Variants in SRGAP3 observed in about 807,000 individuals in gnomAD.
The protein encoded by SRGAP3 is SLIT-ROBO Rho GTPase activating protein 3.
SRGAP3 carries 39 observed loss-of-function variants against 121.1 expected under a neutral mutation model. That is an observed-to-expected ratio of 0.32 (90% confidence interval 0.25 to 0.42). SRGAP3 has a LOEUF of 0.42. Ranked by LOEUF, SRGAP3 falls within the 10% of genes least tolerant of loss-of-function variation. The pLI is 1.00. For missense variants in SRGAP3, 1,213 were observed against 1,470.6 expected (o/e 0.82, Z 2.86); for synonymous variants, 601 against 570.0 (o/e 1.05, Z -0.77).
chr3:9,061,870 G>T (rs556258817), intron 5 of SRGAP3, among the ~76,000 whole-genome samples: 21 of 152,290 alleles, frequency 1.4e-4, no homozygotes, highest in African/African-American at 5.1e-4. Context: ...AGAGGAAGTG[G>T]GCTGGAGAGC....
intron 1 of SRGAP3, among the ~76,000 whole-genome samples, chr3:9,343,799 G>A (rs918270257): frequency 4.6e-5 from 7 of 152,088 alleles, no homozygotes; most frequent in African/African-American, 1.7e-4. Context: ...GCATCCCGAG[G>A]AGCAGGACTA....
intron 1 of SRGAP3, among the ~76,000 whole-genome samples, chr3:9,212,282 A>G (rs1373580374): frequency 6.6e-6 from 1 of 152,234 alleles, no homozygotes; most frequent in East Asian, 1.9e-4. Flanking sequence ...ACAAAGGTAT[A>G]TGTGTGCATA....
intron 8 of SRGAP3, among the ~76,000 whole-genome samples, chr3:9,053,991 T>A (rs577289227): frequency 7.0e-4 from 107 of 152,368 alleles, no homozygotes; most frequent in African/African-American, 2.4e-3. Flanking sequence ...CTGTTTCTTT[T>A]CACTCAGACC....
chr3:9,342,220 G>A (rs972331492), intron 1 of SRGAP3, among the ~76,000 whole-genome samples: 4 of 151,976 alleles, frequency 2.6e-5, no homozygotes, highest in Admixed American at 6.6e-5. Flanking sequence ...GCGTGGTGGC[G>A]CATGCCTATA....
At chr3:9,356,978 G>T in intron 1 of SRGAP3, among the ~76,000 whole-genome samples, 1 of 151,508 alleles carries the variant, frequency 6.6e-6, no homozygotes, top group African/African-American at 2.4e-5. Context: ...ATTTTATTTT[G>T]GGGGGTGGGT....
chr3:9,300,899 T>A (rs1186662972), intron 3 of SRGAP3, among the ~76,000 whole-genome samples: 1 of 152,130 alleles, frequency 6.6e-6, no homozygotes, highest in Non-Finnish European at 1.5e-5. Flanking sequence ...TGAGAAGTCT[T>A]GTTTTAGAGG....
chr3:9,301,219 T>A (rs934348064), intron 3 of SRGAP3, among the ~76,000 whole-genome samples: 3 of 152,172 alleles, frequency 2.0e-5, no homozygotes, highest in African/African-American at 7.2e-5. Context: ...AAGATGTCAA[T>A]GCTGCACAGA....
At chr3:9,085,808 G>A (rs2664085) in intron 3 of SRGAP3, among the ~76,000 whole-genome samples, 45,896 of 151,934 alleles carry the variant, frequency 0.3, 7,504 homozygotes, top group South Asian at 0.37. Flanking sequence ...GGGGCCTATC[G>A]GAGGATGGAT....
chr3:9,084,276 C>G (rs1460232612), intron 3 of SRGAP3, among the ~76,000 whole-genome samples: 1 of 152,170 alleles, frequency 6.6e-6, no homozygotes, highest in African/African-American at 2.4e-5. Flanking sequence ...GAGAGTTCTT[C>G]AAGGGAAGCT....
intron 1 of SRGAP3, among the ~76,000 whole-genome samples, chr3:9,150,535 G>A (rs1252224205): frequency 6.6e-6 from 1 of 152,186 alleles, no homozygotes; most frequent in Non-Finnish European, 1.5e-5. Context: ...AGAAGGGCAG[G>A]GCCCAGGACA....
At chr3:9,282,885 A>G (rs563199162) in intron 3 of SRGAP3, among the ~76,000 whole-genome samples, 1 of 152,254 alleles carries the variant, frequency 6.6e-6, no homozygotes, top group South Asian at 2.1e-4. Context: ...TTTTCAGATA[A>G]TTGTGAATTT....
chr3:9,269,486 T>C (rs970545427), intron 3 of SRGAP3, among the ~76,000 whole-genome samples: 1 of 152,220 alleles, frequency 6.6e-6, no homozygotes, highest in South Asian at 2.1e-4. Context: ...AGACCAATTC[T>C]TATTTGGGAA....
chr3:9,048,017 G>C (rs899148804), intron 9 of SRGAP3, among the ~76,000 whole-genome samples: 1 of 152,188 alleles, frequency 6.6e-6, no homozygotes, highest in East Asian at 1.9e-4. Flanking sequence ...CAAACTGCAG[G>C]GGGTGATAAG....
At chr3:9,123,579 C>T (rs927725213) in intron 2 of SRGAP3, among the ~76,000 whole-genome samples, 1 of 151,714 alleles carries the variant, frequency 6.6e-6, no homozygotes, top group Non-Finnish European at 1.5e-5. Flanking sequence ...TGGTGGTGCA[C>T]GTGGAATCTC....
At chr3:9,087,704 G>A (rs1050555066) in intron 3 of SRGAP3, among the ~76,000 whole-genome samples, 14 of 152,276 alleles carry the variant, frequency 9.2e-5, no homozygotes, top group African/African-American at 2.6e-4. Context: ...TCACAGAGGC[G>A]GATAGAGTAC....
At chr3:9,247,969 G>A (rs1953883002) in intron 1 of SRGAP3, among the ~76,000 whole-genome samples, 1 of 152,224 alleles carries the variant, frequency 6.6e-6, no homozygotes, top group Admixed American at 6.5e-5. Context: ...TGAGGATGCG[G>A]CAAGCCCGCA....
At chr3:9,263,281 G>A (rs567405055) in intron 3 of SRGAP3, among the ~76,000 whole-genome samples, 8 of 152,036 alleles carry the variant, frequency 5.3e-5, no homozygotes, top group African/African-American at 1.9e-4. Context: ...ATCTAAAATC[G>A]ATACCCTAAC....
intron 1 of SRGAP3, among the ~76,000 whole-genome samples, chr3:9,244,182 T>C (rs975341520): frequency 2.0e-5 from 3 of 152,248 alleles, no homozygotes; most frequent in African/African-American, 4.8e-5. Context: ...TTTTTGTGTT[T>C]GGGATTTTTT....
At chr3:9,145,631 C>T (rs1336384496) in intron 1 of SRGAP3, among the ~76,000 whole-genome samples, 1 of 152,138 alleles carries the variant, frequency 6.6e-6, no homozygotes, top group Non-Finnish European at 1.5e-5. Context: ...TCAGGAGCTT[C>T]CCTTGAGGAA....
Sources: allele counts gnomAD v4.1 joint callset (sites outside exome capture counted in the v4.1 genomes callset), GRCh38; gene constraint gnomAD v4.1.1; transcripts MANE v1.5; gene names NCBI Gene and HGNC (gene_info 2026-07-23, HGNC 2026-07-21).